Variants in FRMD6 observed in about 807,000 individuals in gnomAD.
The protein encoded by FRMD6 is FERM domain-containing protein 6.
FRMD6 carries 37 observed loss-of-function variants against 73.2 expected under a neutral mutation model. That is an observed-to-expected ratio of 0.51 (90% CI 0.39 to 0.66). The LOEUF (loss-of-function observed/expected upper bound fraction) is 0.66. Among genes scored for constraint, FRMD6 ranks in the 30% least tolerant of loss-of-function variants. The pLI is 0.00. For missense variants in FRMD6, 714 were observed against 780.5 expected (o/e 0.91, Z 1.02); for synonymous variants, 273 against 282.2 (o/e 0.97, Z 0.33).
At chr14:51,671,353 A>T (rs1029387765) in intron 1 of FRMD6, among the ~76,000 whole-genome samples, 4 of 152,232 alleles carry the variant, frequency 2.6e-5, no homozygotes, top group African/African-American at 9.6e-5. Flanking sequence ...TTTACCAGTG[A>T]TGCCATCTGA....
At chr14:51,612,550 T>C (rs1308908419) in intron 2 of FRMD6, among the ~76,000 whole-genome samples, 1 of 152,216 alleles carries the variant, frequency 6.6e-6, no homozygotes, top group Non-Finnish European at 1.5e-5. Context: ...ATTTCACTTC[T>C]ATAAAATGGG....
intron 10 of FRMD6, among the ~76,000 whole-genome samples, chr14:51,715,839 C>G (rs1343380847): frequency 1.3e-5 from 2 of 152,228 alleles, no homozygotes; most frequent in Non-Finnish European, 1.5e-5. Context: ...CAGATTTTAT[C>G]TGCATTTTAG....
the FRMD6 span, among the ~76,000 whole-genome samples, chr14:51,416,575 A>T: frequency 6.6e-6 from 1 of 152,162 alleles, no homozygotes; most frequent in Non-Finnish European, 1.5e-5. Flanking sequence ...ACTTCCAACT[A>T]TGTGGTCAAT....
At chr14:51,503,222 T>C (rs1213436405) in intron 1 of FRMD6, among the ~76,000 whole-genome samples, 1 of 152,222 alleles carries the variant, frequency 6.6e-6, no homozygotes. Flanking sequence ...GGCCAGAACT[T>C]CCAATACTAT....
At chr14:51,569,516 T>TC (rs1887985171) in intron 1 of FRMD6, among the ~76,000 whole-genome samples, 1 of 149,144 alleles carries the variant, frequency 6.7e-6, no homozygotes, top group Admixed American at 6.6e-5. Flanking sequence ...TCTTTTTTTT[T>TC]TTTTTTTTTC....
chr14:51,463,756 A>T, the FRMD6 span, among the ~76,000 whole-genome samples: 2 of 152,164 alleles, frequency 1.3e-5, no homozygotes, highest in Non-Finnish European at 1.5e-5. Context: ...TACCCACAAC[A>T]GTTTTTTGCA....
intron 1 of FRMD6, among the ~76,000 whole-genome samples, chr14:51,565,606 G>A (rs1448550368): frequency 6.6e-6 from 1 of 152,110 alleles, no homozygotes; most frequent in Non-Finnish European, 1.5e-5. Flanking sequence ...TGGTAGTTGT[G>A]GGTCGTCCTT....
chr14:51,717,576 G>A (rs1243271720), intron 10 of FRMD6, among the ~76,000 whole-genome samples: 1 of 152,190 alleles, frequency 6.6e-6, no homozygotes, highest in Non-Finnish European at 1.5e-5. Context: ...GTAGAGGAAT[G>A]AAGAAATGAC....
intron 1 of FRMD6, among the ~76,000 whole-genome samples, chr14:51,497,864 C>T (rs750095252): frequency 2.8e-4 from 43 of 152,286 alleles, no homozygotes; most frequent in African/African-American, 9.1e-4. Context: ...GAGGCTTCTA[C>T]GAATCTTAGA....
chr14:51,411,737 T>G, the FRMD6 span, among the ~76,000 whole-genome samples: 7 of 152,200 alleles, frequency 4.6e-5, no homozygotes, highest in Non-Finnish European at 1.0e-4. Context: ...ATTTTTGGTT[T>G]TAAGTTTATA....
intron 2 of FRMD6, among the ~76,000 whole-genome samples, chr14:51,599,085 T>A (rs866512469): frequency 8.9e-6 from 1 of 112,898 alleles, no homozygotes; most frequent in Non-Finnish European, 1.9e-5. Flanking sequence ...TTTTTTTTTT[T>A]AGTAATAGCC....
intron 2 of FRMD6, among the ~76,000 whole-genome samples, chr14:51,629,020 A>G (rs1043395802): frequency 1.1e-4 from 16 of 150,320 alleles, no homozygotes; most frequent in Admixed American, 6.0e-4. Flanking sequence ...GGGACTACAG[A>G]CGCCCGCCAC....
the FRMD6 span, among the ~76,000 whole-genome samples, chr14:51,474,553 T>A: frequency 6.6e-6 from 1 of 151,934 alleles, no homozygotes; most frequent in Non-Finnish European, 1.5e-5. Context: ...AGATTTTGGT[T>A]TGTAGAAAGG....
chr14:51,558,650 C>A (rs899122403), intron 1 of FRMD6, among the ~76,000 whole-genome samples: 1 of 152,078 alleles, frequency 6.6e-6, no homozygotes, highest in Non-Finnish European at 1.5e-5. Flanking sequence ...ATAAAATCTA[C>A]TAAATATAAT....
chr14:51,686,662 C>G (rs890670215), intron 1 of FRMD6, among the ~76,000 whole-genome samples: 2 of 151,820 alleles, frequency 1.3e-5, no homozygotes. Flanking sequence ...GTCTACCCTT[C>G]GAAGATAATA....
chr14:51,537,445 T>C (rs567420322), intron 1 of FRMD6, among the ~76,000 whole-genome samples: 2 of 152,366 alleles, frequency 1.3e-5, no homozygotes, highest in East Asian at 3.9e-4. Context: ...TTGGCAGTTA[T>C]GAATAAAGCT....
intron 2 of FRMD6, among the ~76,000 whole-genome samples, chr14:51,634,911 G>C (rs1168913312): frequency 6.6e-6 from 1 of 152,100 alleles, no homozygotes; most frequent in Non-Finnish European, 1.5e-5. Context: ...TCAATTTTCT[G>C]GTTATTCTTC....
At chr14:51,448,380 A>T in the FRMD6 span, among the ~76,000 whole-genome samples, 7 of 152,312 alleles carry the variant, frequency 4.6e-5, no homozygotes, top group African/African-American at 1.7e-4. Context: ...TTAGGTGTGC[A>T]TGTGTCTAAT....
intron 2 of FRMD6, among the ~76,000 whole-genome samples, chr14:51,587,397 A>T (rs1425390822): frequency 6.6e-6 from 1 of 151,934 alleles, no homozygotes; most frequent in Non-Finnish European, 1.5e-5. Flanking sequence ...GACCTTAAAC[A>T]CTCTTTATGC....
Sources: gnomAD v4.1 joint callset for allele counts (sites outside exome capture counted in the v4.1 genomes callset) on GRCh38, gnomAD v4.1.1 for gene constraint, MANE v1.5 for transcripts, NCBI Gene and HGNC (gene_info 2026-07-23, HGNC 2026-07-21) for gene names.